The following RANBP9 variants were observed in gnomAD, a reference collection of about 807,000 sequenced individuals.
The protein encoded by RANBP9 is RAN binding protein 9.
Under a neutral mutation model 84.3 loss-of-function variants are expected in RANBP9, and 15 were observed. The ratio of observed to expected loss-of-function variants is 0.18; its 90% confidence interval spans 0.12 to 0.27. The LOEUF (loss-of-function observed/expected upper bound fraction) is 0.27, where lower values mean the gene tolerates loss of function less well. Ranked by LOEUF, RANBP9 falls within the 10% of genes least tolerant of loss-of-function variation. RANBP9 has a pLI of 1.00. For missense variants in RANBP9, 809 were observed against 912.8 expected (o/e 0.89, Z 1.46); for synonymous variants, 392 against 349.6 (o/e 1.12, Z -1.35).
chr6:13,651,051 C>T (rs554341418), intron 5 of RANBP9, among the ~76,000 whole-genome samples: 37 of 152,222 alleles, frequency 2.4e-4, no homozygotes, highest in Non-Finnish European at 4.4e-4. Flanking sequence ...ATTTATATTG[C>T]TTATCTCATC....
At chr6:13,658,961 T>G in intron 2 of RANBP9, 129 bp from the exon 3 acceptor site, 2 of 760,096 alleles carry the variant, frequency 2.6e-6, no homozygotes, top group Non-Finnish European at 4.6e-6. Context: ...CAACAAAAAT[T>G]TTATTACAAT....
At chr6:13,702,020 T>C (rs893460677) in intron 1 of RANBP9, among the ~76,000 whole-genome samples, 1 of 152,198 alleles carries the variant, frequency 6.6e-6, no homozygotes, top group Non-Finnish European at 1.5e-5. Context: ...TAATCTCTCC[T>C]TCCCCTCAAT....
intron 1 of RANBP9, among the ~76,000 whole-genome samples, chr6:13,710,603 C>T (rs1584954899): frequency 6.6e-6 from 1 of 152,218 alleles, no homozygotes; most frequent in African/African-American, 2.4e-5. Context: ...TCTACCCAAG[C>T]CCCAAGATTT....
Position 13,711,145 on chromosome 6 carries a change from G to T in RANBP9, c.361C>A (p.Pro121Thr). ...GPGPAGGAPT[P>T]ALVAGSSAAA... ...GCGCTGCTGCCCGCCACCAGAGCTG[G>T]GGTCGGGGCTCCTCCAGCCGGGCCG... The change falls in exon 1 of 14, where the codon CCA becomes ACA. Residue 121 changes from proline (P) to threonine (T), a missense_variant. Pro to Thr is a conservative substitution (Grantham distance 38). Around this residue, in one of 5 missense-constraint regions of RANBP9, gnomAD observed 302 missense variants for 240.1 expected, o/e 1.26. Coordinates refer to ENST00000011619, the MANE Select transcript of RANBP9 (RefSeq NM_005493.3). 2 of 1,521,180 alleles carry T rather than the reference G, an allele frequency of 1.3e-6. No individual in the cohort carries two copies. The highest frequency in any genetic ancestry group is 1.2e-5 in the South Asian group (1 of 82,654). 94.2% of individuals were successfully genotyped at this position (1,521,180 alleles called of 1,614,324 possible).
chr6:13,646,109 T>G (rs1290733486), intron 5 of RANBP9, among the ~76,000 whole-genome samples: 1 of 152,140 alleles, frequency 6.6e-6, no homozygotes, highest in Non-Finnish European at 1.5e-5. Context: ...AACTGAGACC[T>G]AAAGACTTTA....
At chr6:13,623,122 A>G (rs189202182) in intron 13 of RANBP9, among the ~76,000 whole-genome samples, 3 of 152,330 alleles carry the variant, frequency 2.0e-5, no homozygotes, top group Admixed American at 6.5e-5. Flanking sequence ...CCTGCATATC[A>G]TAAGTTTCTT....
intron 5 of RANBP9, among the ~76,000 whole-genome samples, chr6:13,649,899 T>C (rs1765257793): frequency 6.6e-6 from 1 of 152,186 alleles, no homozygotes; most frequent in Non-Finnish European, 1.5e-5. Context: ...CTCTGCTAAG[T>C]ACAATTGTCA....
At chr6:13,690,518 A>C (rs1766298312) in intron 2 of RANBP9, among the ~76,000 whole-genome samples, 1 of 152,186 alleles carries the variant, frequency 6.6e-6, no homozygotes, top group Non-Finnish European at 1.5e-5. Context: ...GAAAGAGTGC[A>C]CTTTATTATC....
chr6:13,708,744 G>C (rs1042042534), intron 1 of RANBP9, among the ~76,000 whole-genome samples: 2 of 151,244 alleles, frequency 1.3e-5, no homozygotes, highest in Admixed American at 1.3e-4. Context: ...ACTGCTACTG[G>C]GACACAGTTG....
chr6:13,630,701 A>C (rs1239238529), intron 12 of RANBP9, among the ~76,000 whole-genome samples: 1 of 152,194 alleles, frequency 6.6e-6, no homozygotes, highest in Non-Finnish European at 1.5e-5. Context: ...ATATAGTGGA[A>C]TTTTCCAGAG....
intron 5 of RANBP9, among the ~76,000 whole-genome samples, 192 bp downstream of exon 5, chr6:13,652,467 T>TATAATTAA (rs1484521225): frequency 2.0e-5 from 3 of 152,240 alleles, no homozygotes; most frequent in African/African-American, 7.2e-5. Flanking sequence ...ATGAATCCAG[T>TATAATTAA]GCAAGTTGGA....
chr6:13,636,856 T>C (rs1353047337), intron 10 of RANBP9, among the ~76,000 whole-genome samples: 1 of 152,124 alleles, frequency 6.6e-6, no homozygotes, highest in African/African-American at 2.4e-5. Flanking sequence ...AATTTTCAAA[T>C]ACAGATTTTT....
chr6:13,685,625 A>G (rs1766154489), intron 2 of RANBP9, among the ~76,000 whole-genome samples: 1 of 152,038 alleles, frequency 6.6e-6, no homozygotes, highest in Admixed American at 6.6e-5. Context: ...CAGGATGTAA[A>G]AACCTGTATA....
chr6:13,669,347 C>G (rs1351429554), intron 2 of RANBP9, among the ~76,000 whole-genome samples: 1 of 152,206 alleles, frequency 6.6e-6, no homozygotes, highest in Non-Finnish European at 1.5e-5. Flanking sequence ...AAAATCCTAA[C>G]TTGCTTTGCT....
intron 5 of RANBP9, among the ~76,000 whole-genome samples, chr6:13,651,095 A>C (rs1026825989): frequency 2.0e-5 from 3 of 152,198 alleles, no homozygotes; most frequent in African/African-American, 7.2e-5. Context: ...AAAGAGACAC[A>C]TATTAAAATC....
chr6:13,641,241 G>A lies in RANBP9; in HGVS notation c.1292C>T (p.Pro431Leu), dbSNP rs1335695916. The A allele has an allele frequency of 6.2e-7, 1 of 1,600,246 alleles. No homozygotes were observed. ...ATTAGGATTTCTTTCAAGTAAACTTGGGTATAACTGTTGTGTTGTTTCAAT... is the reference window on the plus strand; with the variant it reads ...ATTAGGATTTCTTTCAAGTAAACTTAGGTATAACTGTTGTGTTGTTTCAAT... Reference protein sequence around the residue: ...EAIETTQQLYPSLLERNPNLL... With the variant: ...EAIETTQQLYLSLLERNPNLL... The change falls in exon 8 of 14, where the codon CCA (proline) becomes CTA (leucine). Residue 431 changes from proline to leucine, a missense_variant. By Grantham distance (98) the Pro-to-Leu change is moderately conservative. Transcript: ENST00000011619.
rs1758280850 is a variant in RANBP9 at position 13,711,420 on chromosome 6, G to A, written c.86C>T (p.Pro29Leu). ...LSPPPPAALA[P>L]VSGVVLPAPP... The stretch of plus-strand genomic sequence containing the variant: ...CGCCGGCAGGACGACTCCGGAGACT[G>A]GGGCCAAGGCCGCCGGCGGTGGCGG... Residue 29 changes from proline to leucine, a missense_variant, in exon 1 of 14, where the codon CCA (proline) becomes CTA (leucine). Coordinates refer to ENST00000011619, the MANE Select transcript of RANBP9 (RefSeq NM_005493.3). The A allele has an allele frequency of 7.6e-6, 9 of 1,190,886 alleles. No homozygotes were observed. The Admixed American group carries it at 3.6e-4, about 48-fold the overall frequency. 73.8% of individuals were successfully genotyped at this position (1,190,886 alleles called of 1,614,324 possible).
Position 13,694,238 on chromosome 6 carries a change from C to A in RANBP9, c.683+2547G>T, listed in dbSNP as rs1766389623. Among the ~76,000 whole-genome samples the A allele has an allele frequency of 2.0e-5, 3 of 152,158 alleles. No individual in the cohort carries two copies. The South Asian group carries it at 6.2e-4, about 31-fold the overall frequency. On this transcript the variant is annotated intron_variant, in intron 2 of 13. Transcript: ENST00000011619. Reference sequence around the variant, plus strand: ...ACCTGTATATACATGTTTACAGTTCCAGCCAAAAAACTGGAAACTGAGAAG... The same window carrying A: ...ACCTGTATATACATGTTTACAGTTCAAGCCAAAAAACTGGAAACTGAGAAG...
At chr6:13,709,149 AATC>A (rs1272445824) in intron 1 of RANBP9, among the ~76,000 whole-genome samples, 1 of 152,218 alleles carries the variant, frequency 6.6e-6, no homozygotes, top group Non-Finnish European at 1.5e-5. Context: ...TCTCTGACCT[AATC>A]ATCAATTTTA....
Sources: gnomAD v4.1 joint callset for allele counts (sites outside exome capture counted in the v4.1 genomes callset) on GRCh38, gnomAD v4.1.1 for gene constraint, gnomAD v4.1.1 regional missense constraint, MANE v1.5 for transcripts, NCBI Gene and HGNC (gene_info 2026-07-23, HGNC 2026-07-21) for gene names.